SLC9A9: variants seen among roughly 807,000 people sequenced by gnomAD.
SLC9A9 encodes the protein solute carrier family 9 member A9, also known as sodium/hydrogen exchanger 9.
SLC9A9 carries 62 observed loss-of-function variants against 77.8 expected under a neutral mutation model. The ratio of observed to expected loss-of-function variants is 0.80; its 90% CI spans 0.65 to 0.98. The LOEUF (loss-of-function observed/expected upper bound fraction) is 0.98, where lower values mean the gene tolerates loss of function less well. Ranked by LOEUF, SLC9A9 falls within the 50% of genes least tolerant of loss-of-function variation. The pLI is 0.00. For missense variants in SLC9A9, 775 were observed against 774.9 expected (o/e 1.00, Z 0.00); for synonymous variants, 320 against 283.5 (o/e 1.13, Z -1.29).
intron 5 of SLC9A9, among the ~76,000 whole-genome samples, chr3:143,689,038 C>T (rs1044948806): frequency 2.0e-5 from 3 of 151,930 alleles, no homozygotes; most frequent in African/African-American, 7.3e-5. Context: ...AAAAGAAGTA[C>T]TAAGCCATGC....
chr3:143,635,511 A>T (rs9810333), intron 6 of SLC9A9, among the ~76,000 whole-genome samples: 46,636 of 152,110 alleles, frequency 0.31, 7,430 homozygotes, highest in African/African-American at 0.38. Context: ...AGTTTATGGC[A>T]TTCAAATTGA....
intron 14 of SLC9A9, among the ~76,000 whole-genome samples, chr3:143,341,293 T>A (rs1225039931): frequency 6.6e-6 from 1 of 152,092 alleles, no homozygotes; most frequent in African/African-American, 2.4e-5. Context: ...AATATATACC[T>A]GAGATGGGGT....
chr3:143,703,549 A>G (rs991536308), intron 4 of SLC9A9, among the ~76,000 whole-genome samples: 1 of 152,074 alleles, frequency 6.6e-6, no homozygotes, highest in Non-Finnish European at 1.5e-5. Context: ...ACCAAAATCT[A>G]TGGAATACAG....
intron 12 of SLC9A9, among the ~76,000 whole-genome samples, chr3:143,454,695 G>A (rs2035058853): frequency 6.6e-6 from 1 of 152,162 alleles, no homozygotes; most frequent in Non-Finnish European, 1.5e-5. Context: ...GAAGGTACTG[G>A]CTAGGCTAGG....
chr3:143,393,154 C>A (rs1402352359), intron 12 of SLC9A9, among the ~76,000 whole-genome samples: 1 of 152,216 alleles, frequency 6.6e-6, no homozygotes, highest in Admixed American at 6.5e-5. Flanking sequence ...TTCTTCTCTG[C>A]ACCACACCAC....
chr3:143,712,161 T>G (rs1224674690), intron 4 of SLC9A9, among the ~76,000 whole-genome samples: 1 of 152,192 alleles, frequency 6.6e-6, no homozygotes, highest in African/African-American at 2.4e-5. Flanking sequence ...GAACTTGGCC[T>G]TTATTTACAG....
At chr3:143,489,805 T>C (rs1391981525) in intron 11 of SLC9A9, among the ~76,000 whole-genome samples, 1 of 152,026 alleles carries the variant, frequency 6.6e-6, no homozygotes, top group African/African-American at 2.4e-5. Flanking sequence ...ATTCAGGAAA[T>C]AGAAAACTCC....
chr3:143,631,887 C>G (rs1170825151), intron 6 of SLC9A9, among the ~76,000 whole-genome samples: 1 of 152,120 alleles, frequency 6.6e-6, no homozygotes, highest in Admixed American at 6.6e-5. Flanking sequence ...TGGGCAGGCA[C>G]AACAATACAT....
intron 2 of SLC9A9, chr3:143,811,617 G>A (rs1232326463): frequency 1.6e-5 from 7 of 451,242 alleles, no homozygotes; most frequent in Non-Finnish European, 3.1e-5. Context: ...AGGCCGACGT[G>A]GGTGGATCAT....
chr3:143,278,632 C>T (rs1185142377), intron 14 of SLC9A9, among the ~76,000 whole-genome samples: 1 of 152,206 alleles, frequency 6.6e-6, no homozygotes, highest in Non-Finnish European at 1.5e-5. Flanking sequence ...TATGTCTTGA[C>T]ATGATCACCT....
intron 12 of SLC9A9, among the ~76,000 whole-genome samples, chr3:143,417,486 G>A (rs375461971): frequency 1.6e-3 from 245 of 150,478 alleles, no homozygotes; most frequent in Non-Finnish European, 2.9e-3. Flanking sequence ...AGAATGGAGC[G>A]GGGGGAGAGG....
intron 9 of SLC9A9, among the ~76,000 whole-genome samples, chr3:143,510,966 T>A (rs1192574681): frequency 6.6e-6 from 1 of 152,198 alleles, no homozygotes; most frequent in African/African-American, 2.4e-5. Flanking sequence ...TCCAAGAAAT[T>A]CCTGTCAGGA....
At chr3:143,845,546 A>G (rs2009814855) in intron 1 of SLC9A9, among the ~76,000 whole-genome samples, 1 of 152,202 alleles carries the variant, frequency 6.6e-6, no homozygotes, top group Non-Finnish European at 1.5e-5. Flanking sequence ...GTGAACGTGA[A>G]CCTTAGTAAG....
intron 4 of SLC9A9, among the ~76,000 whole-genome samples, chr3:143,753,431 T>C (rs143112085): frequency 3.3e-5 from 5 of 152,330 alleles, no homozygotes; most frequent in Admixed American, 1.3e-4. Context: ...GTCCCTTCTC[T>C]GGATGGATGA....
chr3:143,417,764 G>T (rs997054304), intron 12 of SLC9A9, among the ~76,000 whole-genome samples: 14 of 151,988 alleles, frequency 9.2e-5, no homozygotes, highest in Non-Finnish European at 1.9e-4. Flanking sequence ...GTTGTTTAAG[G>T]CACCTGGTCT....
At chr3:143,558,747 A>G (rs538613900) in intron 8 of SLC9A9, among the ~76,000 whole-genome samples, 42 of 152,244 alleles carry the variant, frequency 2.8e-4, no homozygotes, top group African/African-American at 1.0e-3. Context: ...CTTGTCTCAG[A>G]TGAAAATTTG....
chr3:143,366,137 G>T (rs1329730305), intron 13 of SLC9A9, among the ~76,000 whole-genome samples: 1 of 152,198 alleles, frequency 6.6e-6, no homozygotes, highest in East Asian at 1.9e-4. Context: ...GCAATCAGGG[G>T]CCGGGATTCT....
At chr3:143,302,894 C>T (rs1214482594) in intron 14 of SLC9A9, among the ~76,000 whole-genome samples, 1 of 152,218 alleles carries the variant, frequency 6.6e-6, no homozygotes, top group African/African-American at 2.4e-5. Flanking sequence ...CTCAATTATC[C>T]TCCACAAGAG....
At chr3:143,803,386 G>A (rs1368071825) in intron 2 of SLC9A9, among the ~76,000 whole-genome samples, 4 of 152,128 alleles carry the variant, frequency 2.6e-5, no homozygotes, top group Non-Finnish European at 5.9e-5. Context: ...CTTGGGCAGA[G>A]CCCCCAAAAC....
Sources: gnomAD v4.1 joint callset for allele counts (sites outside exome capture counted in the v4.1 genomes callset) on GRCh38, gnomAD v4.1.1 for gene constraint, MANE v1.5 for transcripts, NCBI Gene and HGNC (gene_info 2026-07-23, HGNC 2026-07-21) for gene names.